The following BMF variants were observed in gnomAD, a reference collection of about 807,000 sequenced individuals.
The protein encoded by BMF is Bcl2 modifying factor.
Under a neutral mutation model 22.0 loss-of-function variants are expected in BMF, and 10 were observed. That is an observed-to-expected ratio of 0.45 (90% confidence interval 0.28 to 0.77). The LOEUF (loss-of-function observed/expected upper bound fraction) is 0.77. Ranked by LOEUF, BMF falls within the 30% of genes least tolerant of loss-of-function variation. BMF has a pLI of 0.13. For synonymous variants in BMF, 87 were observed against 88.1 expected (o/e 0.99, Z 0.07); for missense variants, 206 against 226.8 (o/e 0.91, Z 0.59).
chr15:40,105,779 G>A lies in BMF; in HGVS notation c.292+16C>T, dbSNP rs765715198. 4 of 1,580,734 alleles carry A rather than the reference G, an allele frequency of 2.5e-6. No homozygotes were observed. Among genetic ancestry groups the A allele is most frequent in the Non-Finnish European group, 3.4e-6 (4 of 1,160,884 alleles). On this transcript the variant is annotated intron_variant, in intron 3 of 4. Transcript: ENST00000354670. Reference sequence around the variant, plus strand: ...CCAGTCTCTATGGGAGGAGTCTTGAGGCTGAGAGCACTCACCATAAAAGAG... The same window carrying A: ...CCAGTCTCTATGGGAGGAGTCTTGAAGCTGAGAGCACTCACCATAAAAGAG...
At position 40,106,725 on chromosome 15, in the gene BMF, A is replaced by G. The variant is rs1266060864; in HGVS notation, c.-5-634T>C. 1 of 152,310 alleles carries G rather than the reference A, an allele frequency of 6.6e-6. No individual in the cohort carries two copies. Among genetic ancestry groups the G allele is most frequent in the African/African-American group, 2.4e-5 (1 of 41,434 alleles). The allele number at this position is 152,310 out of a possible 1,614,324, so 9.4% of individuals were successfully genotyped here. A position where few individuals can be genotyped will look rare whatever the true frequency, so the allele number is the denominator to read the frequency against. On this transcript the variant is annotated intron_variant, in intron 2 of 4. Coordinates refer to ENST00000354670, the MANE Select transcript of BMF (RefSeq NM_001003940.2). The surrounding 1 kb of genome is among the most constrained non-coding windows in gnomAD (Gnocchi z 4.1). ...CACCCCTTGCTTGCACAACACAACA[A>G]ACAGGCTCTGCAGTGTGGTAAGAAT...
In BMF at chr15:40,089,244, C is replaced by T. The variant is rs2036190731; in HGVS notation, c.*2543G>A. ...GAGGGGCAGGTCTCCTGAGGCTAGA[C>T]TTGAGGAATGTTTAGGCCAACTCAC... On this transcript the variant is annotated 3_prime_UTR_variant, in exon 5 of 5. Coordinates refer to ENST00000354670, the MANE Select transcript of BMF (RefSeq NM_001003940.2). 6.6e-6 allele frequency: 1 copy of T among 152,238 alleles called. No homozygotes were observed. The highest frequency in any genetic ancestry group is 2.4e-5 in the African/African-American group (1 of 41,390). 9.4% of individuals were successfully genotyped at this position (152,238 alleles called of 1,614,324 possible). A position where few individuals can be genotyped will look rare whatever the true frequency, so the allele number is the denominator to read the frequency against.
At chr15:40,091,981 G>A in intron 4 of BMF, 93 bp from the exon 5 acceptor site, 1 of 986,732 alleles carries the variant, frequency 1.0e-6, no homozygotes, top group East Asian at 2.6e-5. Context: ...AGATCTCCAA[G>A]TCTCACGGCT....
In BMF at chr15:40,106,324, G is replaced by A; in HGVS notation, c.-5-233C>T. On this transcript the variant is annotated intron_variant, in intron 2 of 4. Transcript: ENST00000354670. The surrounding 1 kb of genome is among the most constrained non-coding windows in gnomAD (Gnocchi z 4.1). Reference sequence around the variant, plus strand: ...CCACACCTCTTCCCTGGGCCCGCCTGGAACCACCCTTTTTCTTGATCACGT... The same window carrying A: ...CCACACCTCTTCCCTGGGCCCGCCTAGAACCACCCTTTTTCTTGATCACGT... The A allele has an allele frequency of 2.3e-6, 1 of 436,952 alleles. No homozygotes were observed. Among genetic ancestry groups the A allele is most frequent in the South Asian group, 5.3e-5 (1 of 18,966 alleles). 27.1% of individuals were successfully genotyped at this position (436,952 alleles called of 1,614,324 possible). A position where few individuals can be genotyped will look rare whatever the true frequency, so the allele number is the denominator to read the frequency against.
At chr15:40,092,785 T>C (rs2036268076) in intron 4 of BMF, among the ~76,000 whole-genome samples, 1 of 151,128 alleles carries the variant, frequency 6.6e-6, no homozygotes, top group African/African-American at 2.4e-5. Context: ...AGGAGAGGCC[T>C]GGGGGGGTGG....
Position 40,091,628 on chromosome 15 carries a change from G to C in BMF, c.*159C>G, listed in dbSNP as rs2036232237. 2 of 594,228 alleles carry C rather than the reference G, an allele frequency of 3.4e-6. No individual in the cohort carries two copies. Among genetic ancestry groups the C allele is most frequent in the Admixed American group, 3.0e-5 (1 of 32,910 alleles). 36.8% of individuals were successfully genotyped at this position (594,228 alleles called of 1,614,324 possible). A position where few individuals can be genotyped will look rare whatever the true frequency, so the allele number is the denominator to read the frequency against. On this transcript the variant is annotated 3_prime_UTR_variant, in exon 5 of 5. Coordinates refer to ENST00000354670, the MANE Select transcript of BMF (RefSeq NM_001003940.2). ...CTGACAGAGAAAGAAGGTCCCGCTT[G>C]AGTATGTTGTATGTACACTCAGAGA...
chr15:40,088,731 T>C lies in BMF; in HGVS notation c.*3056A>G, dbSNP rs1490995828. On this transcript the variant is annotated 3_prime_UTR_variant, in exon 5 of 5. Coordinates refer to ENST00000354670, the MANE Select transcript of BMF (RefSeq NM_001003940.2). ...CTTCAAACAAGCCTGCCACATAGCT[T>C]TGGACACAGACCTACTCCCCTGGGG... The C allele has an allele frequency of 1.3e-5, 2 of 152,308 alleles. No individual in the cohort carries two copies. Among genetic ancestry groups the C allele is most frequent in the African/African-American group, 2.4e-5 (1 of 41,444 alleles). 9.4% of individuals were successfully genotyped at this position (152,308 alleles called of 1,614,324 possible). A position where few individuals can be genotyped will look rare whatever the true frequency, so the allele number is the denominator to read the frequency against.
At chr15:40,104,123 C>G (rs981529892) in intron 4 of BMF, 57 bp downstream of exon 4, 2 of 1,599,768 alleles carry the variant, frequency 1.3e-6, no homozygotes. Flanking sequence ...GAGAGGCAGG[C>G]CCTGGCCCCC....
rs2036584195 is a variant in BMF, at chr15:40,106,190, T to C, written c.-5-99A>G. 1 of 1,374,812 alleles carries C rather than the reference T, an allele frequency of 7.3e-7. No individual in the cohort carries two copies. The highest frequency in any genetic ancestry group is 9.7e-7 in the Non-Finnish European group (1 of 1,033,424). The allele number at this position is 1,374,812 out of a possible 1,614,324, so 85.2% of individuals were successfully genotyped here. ...CTTCCTACCATACTCCCCCTTCTTA[T>C]TTGAGCTGGCCGGACCACATACTGA... On this transcript the variant is annotated intron_variant, in intron 2 of 4. Coordinates refer to ENST00000354670, the MANE Select transcript of BMF (RefSeq NM_001003940.2). This position sits in a 1 kb window ranked among gnomAD's most constrained non-coding sequence, Gnocchi z 4.1.
chr15:40,097,361 A>G (rs1255001685), intron 4 of BMF, among the ~76,000 whole-genome samples: 1 of 152,252 alleles, frequency 6.6e-6, no homozygotes, highest in Non-Finnish European at 1.5e-5. Flanking sequence ...GTGGATACAA[A>G]GATGATTAAA....
chr15:40,094,881 G>A (rs1333993327), intron 4 of BMF, among the ~76,000 whole-genome samples: 1 of 152,180 alleles, frequency 6.6e-6, no homozygotes, highest in African/African-American at 2.4e-5. Flanking sequence ...TTCACGTGTT[G>A]GTGTTTTCTT....
intron 4 of BMF, among the ~76,000 whole-genome samples, chr15:40,095,215 CA>C (rs2036331865): frequency 6.6e-6 from 1 of 152,352 alleles, no homozygotes; most frequent in African/African-American, 2.4e-5. Context: ...GACCCTTTTC[CA>C]TGAGGAAACC....
Position 40,105,813 on chromosome 15 carries a change from G to C in BMF, c.274C>G (p.Pro92Ala), listed in dbSNP as rs139350823. The change falls in exon 3 of 5, where the codon CCC (proline) becomes GCC (alanine). Residue 92 changes from proline to alanine, a missense_variant. By Grantham distance (27) the Pro-to-Ala change is conservative. Coordinates refer to ENST00000354670, the MANE Select transcript of BMF (RefSeq NM_001003940.2). ...VMLPCGVTEE[P>A]QRLFYGNAGY... ...CACTCACCATAAAAGAGTCGCTGGG[G>C]TTCCTCAGTCACCCCACAAGGCAGC... 6.2e-7 allele frequency: 1 copy of C among 1,610,444 alleles called. No homozygotes were observed. Among genetic ancestry groups the C allele is most frequent in the Admixed American group, 1.7e-5 (1 of 59,674 alleles).
intron 4 of BMF, among the ~76,000 whole-genome samples, chr15:40,097,591 A>G (rs898387812): frequency 3.9e-5 from 6 of 152,188 alleles, no homozygotes; most frequent in Non-Finnish European, 5.9e-5. Flanking sequence ...TCAGCAAATT[A>G]CGGTGTGACT....
intron 1 of BMF, 48 bp downstream of exon 1, chr15:40,108,725 G>C (rs1429246692): frequency 1.3e-5 from 2 of 153,044 alleles, no homozygotes; most frequent in African/African-American, 4.8e-5. Context: ...TCCCCAAGGA[G>C]CTGCGATCCA....
chr15:40,104,811 GC>G (rs2036550566), intron 3 of BMF, among the ~76,000 whole-genome samples: 1 of 152,124 alleles, frequency 6.6e-6, no homozygotes, highest in Admixed American at 6.6e-5. Flanking sequence ...GTAGAGTAAG[GC>G]TGGTCTCCCG....
intron 4 of BMF, 71 bp from the exon 5 acceptor site, chr15:40,091,959 C>G: frequency 8.4e-7 from 1 of 1,196,678 alleles, no homozygotes; most frequent in Non-Finnish European, 1.2e-6. Flanking sequence ...CTCTCATTTC[C>G]AGTAAAAGTT....
chr15:40,091,557 C>G lies in BMF; in HGVS notation c.*230G>C, dbSNP rs1359507752. 4.2e-6 allele frequency: 2 copies of G among 479,548 alleles called. No homozygotes were observed. Among genetic ancestry groups the G allele is most frequent in the Admixed American group, 7.0e-5 (2 of 28,640 alleles). The allele number at this position is 479,548 out of a possible 1,614,324, so 29.7% of individuals were successfully genotyped here. A position where few individuals can be genotyped will look rare whatever the true frequency, so the allele number is the denominator to read the frequency against. On this transcript the variant is annotated 3_prime_UTR_variant, in exon 5 of 5. Coordinates refer to ENST00000354670, the MANE Select transcript of BMF (RefSeq NM_001003940.2). ...CTCACCATCACAGACACATCAGCCTCTCCTTCAACAGTGTTTGACAAAGGC... is the reference window on the plus strand; with the variant it reads ...CTCACCATCACAGACACATCAGCCTGTCCTTCAACAGTGTTTGACAAAGGC...
chr15:40,094,888 TCTTCAGTCC>T (rs1244574146), intron 4 of BMF, among the ~76,000 whole-genome samples: 3 of 152,242 alleles, frequency 2.0e-5, no homozygotes, highest in Non-Finnish European at 4.4e-5. Context: ...GTTGGTGTTT[TCTTCAGTCC>T]CTTTCGATCT....
Sources: gnomAD v4.1 joint callset for allele counts (sites outside exome capture counted in the v4.1 genomes callset) on GRCh38, gnomAD v4.1.1 for gene constraint, Gnocchi (gnomAD v3.1) non-coding constraint, MANE v1.5 for transcripts, NCBI Gene and HGNC (gene_info 2026-07-23, HGNC 2026-07-21) for gene names.